Variants in SPAG16 observed in about 807,000 individuals in gnomAD.
SPAG16 encodes sperm associated antigen 16.
A neutral mutation model predicts 80.4 loss-of-function variants in SPAG16; 86 were observed. That is an observed-to-expected ratio of 1.07 (90% confidence interval 0.90 to 1.28). The LOEUF (loss-of-function observed/expected upper bound fraction) is 1.28, where lower values mean the gene tolerates loss of function less well. SPAG16 is among the 50% of genes most tolerant of loss of function. SPAG16 has a pLI of 0.00. For synonymous variants in SPAG16, 294 were observed against 265.9 expected, an observed-to-expected ratio of 1.11 and a Z score of -1.03; for missense variants, 870 against 765.3, an observed-to-expected ratio of 1.14 and a Z score of -1.61.
intron 14 of SPAG16, among the ~76,000 whole-genome samples, chr2:214,111,769 CT>C (rs1559806679): frequency 1.3e-5 from 2 of 151,974 alleles, no homozygotes; most frequent in African/African-American, 4.8e-5. Context: ...ATGGAATATT[CT>C]TCCATTTGTT....
intron 9 of SPAG16, among the ~76,000 whole-genome samples, chr2:213,383,000 G>T (rs111371477): frequency 0.013 from 2,038 of 152,066 alleles, 18 homozygotes; most frequent in Non-Finnish European, 0.023. Context: ...AGTAGTAGAG[G>T]GTATTTTTAT....
chr2:213,718,784 G>C (rs2066371814), intron 10 of SPAG16, among the ~76,000 whole-genome samples: 1 of 152,138 alleles, frequency 6.6e-6, no homozygotes, highest in African/African-American at 2.4e-5. Context: ...CCCACTCCAT[G>C]GGCTCCTGTG....
chr2:214,399,177 A>T (rs1701570539), intron 15 of SPAG16, among the ~76,000 whole-genome samples: 4 of 152,166 alleles, frequency 2.6e-5, no homozygotes, highest in Admixed American at 2.6e-4. Context: ...TCATCCGATT[A>T]TACTACATAC....
At position 213,796,925 on chromosome 2, in the gene SPAG16, T is replaced by C. The variant is rs575588330; in HGVS notation, c.1071-65560T>C. 3.3e-5 allele frequency among the ~76,000 whole-genome samples: 3 copies of C among 90,746 alleles called. No individual in the cohort carries two copies. The East Asian group carries it at 1.0e-3, about 31-fold the overall frequency. 59.5% of individuals were successfully genotyped at this position (90,746 alleles called of 152,430 possible). The stretch of plus-strand genomic sequence containing the variant: ...GTGATGACAGCTGCATGCATGTTAT[T>C]TCTCCTAAAGACCTTTTAGTGAGAG... On this transcript the variant is annotated intron_variant, in intron 10 of 15. Coordinates refer to ENST00000331683, the MANE Select transcript of SPAG16 (RefSeq NM_024532.5).
At chr2:214,297,052 C>A (rs1222076692) in intron 15 of SPAG16, among the ~76,000 whole-genome samples, 1 of 152,202 alleles carries the variant, frequency 6.6e-6, no homozygotes, top group Admixed American at 6.5e-5. Context: ...GTATACCCAG[C>A]AGAACCACAA....
chr2:213,468,738 C>T (rs2072900432), intron 9 of SPAG16, among the ~76,000 whole-genome samples: 1 of 147,870 alleles, frequency 6.8e-6, no homozygotes, highest in Admixed American at 6.8e-5. Flanking sequence ...ATATATATCT[C>T]CTACATATAT....
chr2:213,620,130 T>C (rs2061721441), intron 10 of SPAG16, among the ~76,000 whole-genome samples: 1 of 151,298 alleles, frequency 6.6e-6, no homozygotes, highest in Admixed American at 6.6e-5. Flanking sequence ...AAGAATAAAG[T>C]AGAATTATGG....
chr2:214,222,926 A>G (rs2058615366), intron 15 of SPAG16, among the ~76,000 whole-genome samples: 1 of 152,192 alleles, frequency 6.6e-6, no homozygotes, highest in South Asian at 2.1e-4. Flanking sequence ...GTTAAATACC[A>G]TTTATTTGAA....
chr2:214,043,859 A>T (rs1437429444), intron 13 of SPAG16, among the ~76,000 whole-genome samples: 2 of 152,148 alleles, frequency 1.3e-5, no homozygotes, highest in Non-Finnish European at 2.9e-5. Context: ...TTCATATAAC[A>T]TATACACACT....
At chr2:213,461,685 A>G (rs2072372017) in intron 9 of SPAG16, among the ~76,000 whole-genome samples, 1 of 152,222 alleles carries the variant, frequency 6.6e-6, no homozygotes, top group African/African-American at 2.4e-5. Context: ...GAAAGCAAGA[A>G]GAGGAACTGA....
At position 214,189,663 on chromosome 2, in the gene SPAG16, C is replaced by CT. The variant is rs375643718; in HGVS notation, c.1720+40406dup. Among the ~76,000 whole-genome samples the CT allele has an allele frequency of 3.1e-4, 47 of 150,566 alleles. 1 individual carries two copies. The highest frequency in any genetic ancestry group is 2.5e-3 in the East Asian group (13 of 5,130). ...TTTTTTGTATTGAATGCATAAACAC[C>CT]TTTTTTTTTGCATTTTTCTCCATGA... On this transcript the variant is annotated intron_variant, in intron 15 of 15. Transcript: ENST00000331683.
intron 13 of SPAG16, among the ~76,000 whole-genome samples, chr2:214,032,098 C>T (rs1559713793): frequency 6.6e-6 from 1 of 152,128 alleles, no homozygotes; most frequent in Non-Finnish European, 1.5e-5. Context: ...TCCCTTTTCC[C>T]CTCCCTTGCA....
intron 9 of SPAG16, among the ~76,000 whole-genome samples, chr2:213,471,862 T>A (rs13017200): frequency 6.6e-6 from 1 of 152,182 alleles, no homozygotes. Context: ...TTCTTGGTTG[T>A]AGGTGGGGTC....
intron 10 of SPAG16, among the ~76,000 whole-genome samples, chr2:213,711,557 C>T (rs987936923): frequency 2.0e-5 from 3 of 147,930 alleles, no homozygotes; most frequent in African/African-American, 5.0e-5. Context: ...GAGTCTTGCT[C>T]TGTTGCTCAG....
intron 9 of SPAG16, among the ~76,000 whole-genome samples, chr2:213,480,320 T>C (rs1008872512): frequency 6.6e-6 from 1 of 152,202 alleles, no homozygotes; most frequent in African/African-American, 2.4e-5. Flanking sequence ...GCCAATTGGT[T>C]GGGACAGTAC....
chr2:214,198,963 T>A (rs2057929735), intron 15 of SPAG16, among the ~76,000 whole-genome samples: 1 of 152,150 alleles, frequency 6.6e-6, no homozygotes, highest in Admixed American at 6.6e-5. Flanking sequence ...TGTTTTTGTC[T>A]TGCTGATTTG....
chr2:213,471,670 G>A (rs1365705517), intron 9 of SPAG16, among the ~76,000 whole-genome samples: 2 of 152,146 alleles, frequency 1.3e-5, no homozygotes, highest in Admixed American at 1.3e-4. Context: ...GGGTCATATG[G>A]CCCAAGTGGC....
intron 15 of SPAG16, among the ~76,000 whole-genome samples, chr2:214,204,380 C>T (rs1385186071): frequency 6.6e-6 from 1 of 152,226 alleles, no homozygotes; most frequent in African/African-American, 2.4e-5. Context: ...CAACACAAAA[C>T]TAGCACAATA....
chr2:213,854,123 A>G (rs1363250782), intron 10 of SPAG16, among the ~76,000 whole-genome samples: 2 of 152,222 alleles, frequency 1.3e-5, no homozygotes, highest in African/African-American at 4.8e-5. Context: ...TGATGGCTAC[A>G]TTTTTGCCAG....
Sources: allele counts gnomAD v4.1 joint callset (sites outside exome capture counted in the v4.1 genomes callset), GRCh38; gene constraint gnomAD v4.1.1; transcripts MANE v1.5; gene names NCBI Gene and HGNC (gene_info 2026-07-23, HGNC 2026-07-21).